GALK2: variants seen among roughly 807,000 people sequenced by gnomAD.
GALK2 encodes galactokinase 2, also known as N-acetylgalactosamine kinase.
In GALK2, 36 loss-of-function variants were observed where a neutral mutation model predicts 52.4. The observed-to-expected ratio is 0.69, with a 90% CI of 0.53 to 0.91. The LOEUF (loss-of-function observed/expected upper bound fraction) is 0.91. Among genes scored for constraint, GALK2 ranks in the 40% least tolerant of loss-of-function variants. The probability of loss-of-function intolerance (pLI) is 0.00; values close to 1 mark genes in which losing one functional copy is unlikely to be tolerated. For synonymous variants in GALK2, 176 were observed against 199.1 expected (o/e 0.88, Z 0.98); for missense variants, 579 against 559.1 (o/e 1.04, Z -0.36).
intron 1 of GALK2, among the ~76,000 whole-genome samples, chr15:49,161,518 T>C (rs1453806022): frequency 6.6e-6 from 1 of 152,208 alleles, no homozygotes; most frequent in Non-Finnish European, 1.5e-5. Context: ...TTGACATTAA[T>C]TTTATTCAAT....
chr15:49,168,485 G>A (rs1378254493), upstream of GALK2, among the ~76,000 whole-genome samples: 1 of 152,132 alleles, frequency 6.6e-6, no homozygotes, highest in Admixed American at 6.5e-5. Context: ...TTGGAAGGCC[G>A]AGGTGGGCTG....
intron 5 of GALK2, among the ~76,000 whole-genome samples, chr15:49,255,768 G>A (rs1419902339): frequency 6.6e-6 from 1 of 152,084 alleles, no homozygotes; most frequent in East Asian, 1.9e-4. Flanking sequence ...TATTAAAAGT[G>A]ATGATAGAGA....
At chr15:49,192,997 CT>C (rs35231463) in intron 1 of GALK2, among the ~76,000 whole-genome samples, 23,441 of 66,980 alleles carry the variant, frequency 0.35, 2,331 homozygotes, top group Middle Eastern at 0.4. Context: ...CTGTTTATAC[CT>C]TTTTTTTTTT....
chr15:49,158,185 T>G (rs142765138), intron 1 of GALK2, among the ~76,000 whole-genome samples: 34 of 152,266 alleles, frequency 2.2e-4, no homozygotes, highest in African/African-American at 7.5e-4. Flanking sequence ...ATTGGGGTTA[T>G]CAGTGTGCTT....
intron 1 of GALK2, among the ~76,000 whole-genome samples, chr15:49,189,515 T>C (rs7177624): frequency 0.18 from 28,103 of 152,116 alleles, 2,764 homozygotes; most frequent in Non-Finnish European, 0.21. Context: ...TATGATAAAG[T>C]TTAATTTATA....
At chr15:49,358,190 C>T (rs1453374549) in intron 3 of GALK2, among the ~76,000 whole-genome samples, 1 of 151,412 alleles carries the variant, frequency 6.6e-6, no homozygotes, top group African/African-American at 2.4e-5. Flanking sequence ...GACAGGGATG[C>T]CCTCCTCACC....
intron 2 of GALK2, among the ~76,000 whole-genome samples, chr15:49,212,243 C>A (rs557099092): frequency 6.6e-6 from 1 of 152,222 alleles, no homozygotes; most frequent in South Asian, 2.1e-4. Flanking sequence ...CAGGTGTCCA[C>A]GACCATGCCT....
At chr15:49,355,860 A>G (rs1488803291) in intron 3 of GALK2, among the ~76,000 whole-genome samples, 1 of 152,218 alleles carries the variant, frequency 6.6e-6, no homozygotes, top group Admixed American at 6.5e-5. Flanking sequence ...GTCACCCTCA[A>G]AGGGAAGCCC....
intron 5 of GALK2, 27 bp from the exon 6 acceptor site, chr15:49,281,960 A>G (rs1315080058): frequency 6.6e-7 from 1 of 1,525,544 alleles, no homozygotes; most frequent in Non-Finnish European, 9.1e-7. Context: ...GACTACTCAC[A>G]GTACAAATCA....
chr15:49,302,870 T>C (rs753118718), intron 8 of GALK2, among the ~76,000 whole-genome samples: 7 of 152,258 alleles, frequency 4.6e-5, no homozygotes, highest in Non-Finnish European at 8.8e-5. Context: ...CCTTTGGTTT[T>C]GTCTATTGTT....
intron 3 of GALK2, among the ~76,000 whole-genome samples, chr15:49,217,768 C>T (rs555677923): frequency 6.6e-6 from 1 of 152,292 alleles, no homozygotes; most frequent in Non-Finnish European, 1.5e-5. Context: ...TGTTGCCTCT[C>T]TTCTTCAATG....
intron 5 of GALK2, among the ~76,000 whole-genome samples, chr15:49,267,124 G>A (rs1028929819): frequency 6.6e-6 from 1 of 152,206 alleles, no homozygotes; most frequent in Non-Finnish European, 1.5e-5. Flanking sequence ...GGACCATTGT[G>A]ATGAGATTTT....
chr15:49,365,354 T>C (rs1440790293), intron 3 of GALK2: 12 of 1,480,896 alleles, frequency 8.1e-6, no homozygotes, highest in Middle Eastern at 1.7e-4. Flanking sequence ...GCCAATAGCA[T>C]AGGCAACTGT....
intron 3 of GALK2, among the ~76,000 whole-genome samples, chr15:49,363,103 C>A (rs577753264): frequency 6.6e-6 from 1 of 152,208 alleles, no homozygotes; most frequent in Non-Finnish European, 1.5e-5. Context: ...CTTGGCTGTT[C>A]AAGCTCTTTT....
intron 5 of GALK2, among the ~76,000 whole-genome samples, chr15:49,275,036 ACAC>A (rs2141712684): frequency 6.6e-6 from 1 of 152,304 alleles, no homozygotes; most frequent in East Asian, 1.9e-4. Context: ...ATAAATATGT[ACAC>A]CAGTAGCATA....
Position 49,329,158 on chromosome 15 carries a change from G to A in GALK2, c.*999G>A. 1 of 987,788 alleles carries A rather than the reference G, an allele frequency of 1.0e-6. No individual in the cohort carries two copies. The highest frequency in any genetic ancestry group is 1.2e-6 in the Non-Finnish European group (1 of 831,454). The allele number at this position is 987,788 out of a possible 1,614,324, so 61.2% of individuals were successfully genotyped here. On this transcript the variant is annotated 3_prime_UTR_variant, in exon 10 of 10. Transcript: ENST00000560031. ...ATGCACCCCATTGTAAAGCAGGTAT[G>A]CAGGTATGTGGGTGAAAGTGACTAT...
chr15:49,240,112 G>A (rs1475997006), intron 5 of GALK2, among the ~76,000 whole-genome samples: 2 of 152,286 alleles, frequency 1.3e-5, no homozygotes, highest in East Asian at 1.9e-4. Flanking sequence ...TTATGTATAG[G>A]AGGAAGGCAG....
At chr15:49,310,047 C>G (rs1305150213) in intron 8 of GALK2, among the ~76,000 whole-genome samples, 2 of 152,184 alleles carry the variant, frequency 1.3e-5, no homozygotes, top group African/African-American at 4.8e-5. Flanking sequence ...CCCCACTACC[C>G]TTCCTGGCCT....
intron 5 of GALK2, among the ~76,000 whole-genome samples, chr15:49,254,898 T>C (rs1157706930): frequency 6.9e-6 from 1 of 144,530 alleles, no homozygotes; most frequent in East Asian, 1.9e-4. Flanking sequence ...TGAGAAAATT[T>C]CAAAAGGATA....
Sources: allele counts gnomAD v4.1 joint callset (sites outside exome capture counted in the v4.1 genomes callset), GRCh38; gene constraint gnomAD v4.1.1; transcripts MANE v1.5; gene names NCBI Gene and HGNC (gene_info 2026-07-23, HGNC 2026-07-21).